Variants in ANGPT4 observed in about 807,000 individuals in gnomAD.
The protein encoded by ANGPT4 is angiopoietin-4.
A neutral mutation model predicts 53.0 loss-of-function variants in ANGPT4; 50 were observed. The ratio of observed to expected loss-of-function variants is 0.94; its 90% CI spans 0.75 to 1.20. The LOEUF is 1.20. Ranked by LOEUF, ANGPT4 falls within the 50% of genes most tolerant of loss-of-function variation. The pLI, the probability that ANGPT4 is intolerant of heterozygous loss-of-function variation, is 0.00. For synonymous variants in ANGPT4, 251 were observed against 259.7 expected (o/e 0.97, Z 0.32); for missense variants, 648 against 637.1 (o/e 1.02, Z -0.18).
intron 1 of ANGPT4, 148 bp downstream of exon 1, chr20:915,758 G>T (rs1982903905): frequency 4.0e-6 from 4 of 989,944 alleles, no homozygotes; most frequent in African/African-American, 1.6e-5. Flanking sequence ...TTGCTGTGTG[G>T]CCTCAGACCC....
In ANGPT4 at chr20:914,339, G is replaced by A. The variant is rs903361578; in HGVS notation, c.309+1567C>T. The stretch of plus-strand genomic sequence containing the variant: ...TGGTTATTTCGTACGGGGAGGACAA[G>A]GAGGGCCTCTGGGGAGATGGCGCTG... On this transcript the variant is annotated intron_variant, in intron 1 of 8. Transcript: ENST00000381922. This position sits in a 1 kb window ranked among gnomAD's most constrained non-coding sequence, Gnocchi z 5.0. Among the ~76,000 whole-genome samples the A allele has an allele frequency of 4.6e-5, 7 of 152,304 alleles. No homozygotes were observed. The highest frequency in any genetic ancestry group is 1.4e-4 in the African/African-American group (6 of 41,572).
intron 1 of ANGPT4, among the ~76,000 whole-genome samples, chr20:906,106 G>C (rs908974654): frequency 6.6e-6 from 1 of 152,202 alleles, no homozygotes; most frequent in East Asian, 1.9e-4. Context: ...CAACAAGTCA[G>C]GACTGGCTGG....
At chr20:902,023 C>G (rs1167516709) in intron 1 of ANGPT4, among the ~76,000 whole-genome samples, 1 of 152,156 alleles carries the variant, frequency 6.6e-6, no homozygotes, top group Admixed American at 6.5e-5. Flanking sequence ...AGGCAGAACA[C>G]TATATACAAT....
chr20:906,606 C>T (rs546336239), intron 1 of ANGPT4, among the ~76,000 whole-genome samples: 10 of 152,228 alleles, frequency 6.6e-5, no homozygotes, highest in Non-Finnish European at 1.3e-4. Flanking sequence ...CTGCCATCCC[C>T]AGGCCTCAGT....
At chr20:899,375 G>T (rs1276831408) in intron 1 of ANGPT4, among the ~76,000 whole-genome samples, 2 of 151,914 alleles carry the variant, frequency 1.3e-5, no homozygotes, top group African/African-American at 4.8e-5. Flanking sequence ...AGCCTCCCGA[G>T]TAGCTGGGAC....
chr20:895,600 G>A (rs6086375), intron 1 of ANGPT4, among the ~76,000 whole-genome samples: 80,692 of 152,040 alleles, frequency 0.53, 24,269 homozygotes, highest in African/African-American at 0.82. Flanking sequence ...GTGCAGATCC[G>A]TGGATGAGCA....
intron 1 of ANGPT4, among the ~76,000 whole-genome samples, chr20:903,292 C>T (rs1279809445): frequency 6.6e-6 from 1 of 152,190 alleles, no homozygotes; most frequent in Non-Finnish European, 1.5e-5. Flanking sequence ...CAGACCCAGC[C>T]TCTCAGAGCT....
At chr20:890,451 C>T in intron 1 of ANGPT4, 83 bp from the exon 2 acceptor site, 1 of 1,347,530 alleles carries the variant, frequency 7.4e-7, no homozygotes, top group Non-Finnish European at 1.0e-6. Context: ...TGGGAGGGCA[C>T]TGAGCAGCCA....
At chr20:912,292 A>T (rs1267837982) in intron 1 of ANGPT4, among the ~76,000 whole-genome samples, 1 of 152,172 alleles carries the variant, frequency 6.6e-6, no homozygotes, top group Admixed American at 6.5e-5. Flanking sequence ...TTGACCCCAC[A>T]TCAAAGGTCA....
At chr20:888,578 T>A in intron 2 of ANGPT4, 139 bp from the exon 3 acceptor site, 1 of 1,372,704 alleles carries the variant, frequency 7.3e-7, no homozygotes, top group Non-Finnish European at 9.6e-7. Context: ...CTGTGGTTAC[T>A]CACTCACAGG....
intron 1 of ANGPT4, among the ~76,000 whole-genome samples, chr20:901,890 C>T (rs761038613): frequency 2.6e-5 from 4 of 152,034 alleles, no homozygotes; most frequent in East Asian, 1.9e-4. Context: ...CCAGCCTGGG[C>T]GACAGAGCAA....
intron 5 of ANGPT4, among the ~76,000 whole-genome samples, chr20:880,685 G>T (rs1981367508): frequency 6.6e-6 from 1 of 152,046 alleles, no homozygotes. Flanking sequence ...GCTCTTCTCT[G>T]TCACCCTTCT....
intron 3 of ANGPT4, among the ~76,000 whole-genome samples, chr20:888,040 G>C (rs1024089149): frequency 6.6e-6 from 1 of 152,050 alleles, no homozygotes; most frequent in Non-Finnish European, 1.5e-5. Context: ...CTCATTTCCA[G>C]CCTCAGTCTA....
chr20:886,170 T>C (rs768556315), intron 3 of ANGPT4, among the ~76,000 whole-genome samples: 6 of 152,236 alleles, frequency 3.9e-5, no homozygotes, highest in Non-Finnish European at 7.3e-5. Context: ...AAGAAAGCCT[T>C]AGACTCAGCT....
chr20:897,605 C>T (rs1982109129), intron 1 of ANGPT4, among the ~76,000 whole-genome samples: 1 of 152,186 alleles, frequency 6.6e-6, no homozygotes, highest in Non-Finnish European at 1.5e-5. Flanking sequence ...GGTGTCTGAT[C>T]ACCGGGGGGA....
chr20:895,755 G>A (rs930431261), intron 1 of ANGPT4, among the ~76,000 whole-genome samples: 7 of 152,194 alleles, frequency 4.6e-5, no homozygotes, highest in Admixed American at 4.6e-4. Context: ...AACCATTGAT[G>A]TGTGCAAACA....
At position 871,148 on chromosome 20, in the gene ANGPT4, A is replaced by G. The variant is rs1411193; in HGVS notation, c.*1812T>C. 19,564 of 152,252 alleles carry G rather than the reference A, an allele frequency of 0.13. 1,700 individuals carry two copies. Among genetic ancestry groups the G allele is most frequent in the African/African-American group, 0.25 (10,335 of 41,522 alleles). 9.4% of individuals were successfully genotyped at this position (152,252 alleles called of 1,614,324 possible). A position where few individuals can be genotyped will look rare whatever the true frequency, so the allele number is the denominator to read the frequency against. ...GGCGATTTGAGCTCTCTGGGCAGCA[A>G]TCTGCCCCTAAAGATTTCCCATCAT... On this transcript the variant is annotated 3_prime_UTR_variant, in exon 9 of 9. Coordinates refer to ENST00000381922, the MANE Select transcript of ANGPT4 (RefSeq NM_015985.4).
rs1459280808 is a variant in ANGPT4 at position 916,199 on chromosome 20, C to T, written c.16G>A (p.Ala6Thr). 6 of 1,612,878 alleles carry T rather than the reference C, an allele frequency of 3.7e-6. No homozygotes were observed. Among genetic ancestry groups the T allele is most frequent in the South Asian group, 1.1e-5 (1 of 91,034 alleles). MLSQL[A>T]MLQGSLLLVV... Reference sequence around the variant, plus strand: ...AGGAGGAGGCTGCCCTGCAGCATGGCTAGCTGGGAGAGCATCTGAAGATGT... The same window carrying T: ...AGGAGGAGGCTGCCCTGCAGCATGGTTAGCTGGGAGAGCATCTGAAGATGT... The change falls in exon 1 of 9, where the codon GCC becomes ACC. Residue 6 changes from alanine (A) to threonine (T), a missense_variant. Physicochemically the swap from Ala to Thr is moderately conservative, Grantham distance 58. Coordinates refer to ENST00000381922, the MANE Select transcript of ANGPT4 (RefSeq NM_015985.4).
At chr20:880,302 A>AG (rs58346146) in intron 5 of ANGPT4, among the ~76,000 whole-genome samples, 15,033 of 152,174 alleles carry the variant, frequency 0.099, 1,168 homozygotes, top group East Asian at 0.45. Context: ...GTATATTAAG[A>AG]GGGGGTGAAA....
Sources: gnomAD v4.1 joint callset for allele counts (sites outside exome capture counted in the v4.1 genomes callset) on GRCh38, gnomAD v4.1.1 for gene constraint, Gnocchi (gnomAD v3.1) non-coding constraint, MANE v1.5 for transcripts, NCBI Gene and HGNC (gene_info 2026-07-23, HGNC 2026-07-21) for gene names.